The following SSX2IP variants were observed in gnomAD, a reference collection of about 807,000 sequenced individuals.
The protein encoded by SSX2IP is SSX family member 2 interacting protein.
In SSX2IP, 55 loss-of-function variants were observed where a neutral mutation model predicts 84.9. The ratio of observed to expected loss-of-function variants is 0.65; its 90% confidence interval spans 0.52 to 0.81. The LOEUF (loss-of-function observed/expected upper bound fraction) is 0.81. Among genes scored for constraint, SSX2IP ranks in the 30% least tolerant of loss-of-function variants. SSX2IP has a pLI of 0.00. For synonymous variants in SSX2IP, 239 were observed against 234.7 expected (o/e 1.02, Z -0.17); for missense variants, 664 against 705.2 (o/e 0.94, Z 0.66).
Position 84,666,187 on chromosome 1 carries a change from T to C in SSX2IP, c.472A>G (p.Arg158Gly). ...TTCTTACATTGTAACTGTCTGTCTC[T>C]TTCCTGAAGCCCAATCATTTCCCTC... is the stretch of plus-strand genomic sequence containing the variant. ...SRREMIGLQE[R>G]DRQLQCKNRN... The change falls in exon 5 of 14, where the codon AGA (arginine) becomes GGA (glycine). Residue 158 changes from arginine (R) to glycine (G), a missense_variant. Transcript: ENST00000342203. 1 of 1,613,090 alleles carries C rather than the reference T, an allele frequency of 6.2e-7. No individual in the cohort carries two copies. Among genetic ancestry groups the C allele is most frequent in the Non-Finnish European group, 8.5e-7 (1 of 1,179,404 alleles).
intron 1 of SSX2IP, among the ~76,000 whole-genome samples, chr1:84,682,525 C>T (rs183097397): frequency 9.6e-4 from 138 of 144,492 alleles, no homozygotes; most frequent in African/African-American, 2.8e-3. Flanking sequence ...TTTTTTGAGA[C>T]GGAGTCTTGC....
chr1:84,683,141 T>C (rs981618457), intron 1 of SSX2IP, among the ~76,000 whole-genome samples: 1 of 151,968 alleles, frequency 6.6e-6, no homozygotes, highest in African/African-American at 2.4e-5. Context: ...GGATACAATA[T>C]TCAAGCTGCT....
intron 7 of SSX2IP, 35 bp from the exon 8 acceptor site, chr1:84,662,410 T>G: frequency 1.2e-6 from 2 of 1,610,500 alleles, no homozygotes; most frequent in Non-Finnish European, 1.7e-6. Context: ...AAATGCAGGA[T>G]AGAAGGAAGT....
chr1:84,656,287 A>T (rs1651109922), intron 10 of SSX2IP, 61 bp downstream of exon 10: 4 of 1,526,572 alleles, frequency 2.6e-6, no homozygotes, highest in Non-Finnish European at 2.7e-6. Context: ...CAAATCTGGT[A>T]AGGTTCAGCA....
chr1:84,659,941 T>C (rs1651691215), intron 8 of SSX2IP, among the ~76,000 whole-genome samples: 1 of 152,000 alleles, frequency 6.6e-6, no homozygotes, highest in South Asian at 2.1e-4. Flanking sequence ...GAGGCCAAGG[T>C]GGGATGACTG....
rs978172351 is a variant in SSX2IP, at chr1:84,644,354, T to A, written c.*3079A>T. On this transcript the variant is annotated 3_prime_UTR_variant, in exon 14 of 14. Coordinates refer to ENST00000342203, the MANE Select transcript of SSX2IP (RefSeq NM_001166293.2). ...AGTTGGCCTTCCACTCAGCTCAGATTCCTAATAGCAGGCAGCGTGCTTATC... is the reference window on the plus strand; with the variant it reads ...AGTTGGCCTTCCACTCAGCTCAGATACCTAATAGCAGGCAGCGTGCTTATC... The A allele has an allele frequency of 1.3e-5, 2 of 152,180 alleles. No individual in the cohort carries two copies. Among genetic ancestry groups the A allele is most frequent in the Non-Finnish European group, 2.9e-5 (2 of 68,042 alleles). 9.4% of individuals were successfully genotyped at this position (152,180 alleles called of 1,614,324 possible). A position where few individuals can be genotyped will look rare whatever the true frequency, so the allele number is the denominator to read the frequency against.
intron 4 of SSX2IP, 24 bp downstream of exon 4, chr1:84,669,657 A>G (rs768346882): frequency 1.3e-6 from 2 of 1,573,472 alleles, no homozygotes; most frequent in Non-Finnish European, 1.7e-6. Flanking sequence ...TTATGGCATT[A>G]AAATATGGAT....
At chr1:84,654,860 AAAT>A (rs1202328521) in intron 11 of SSX2IP, among the ~76,000 whole-genome samples, 3 of 152,208 alleles carry the variant, frequency 2.0e-5, no homozygotes, top group Non-Finnish European at 4.4e-5. Context: ...TAACAATGAA[AAAT>A]AATATCACAA....
At chr1:84,682,949 C>T (rs940450237) in intron 1 of SSX2IP, among the ~76,000 whole-genome samples, 3 of 152,092 alleles carry the variant, frequency 2.0e-5, no homozygotes, top group Admixed American at 6.5e-5. Context: ...TTTATGTGTA[C>T]GAACTTATTC....
chr1:84,676,052 TAACCTTGGCAAA>T (rs1470239309), intron 1 of SSX2IP, among the ~76,000 whole-genome samples: 1 of 152,242 alleles, frequency 6.6e-6, no homozygotes, highest in Non-Finnish European at 1.5e-5. Flanking sequence ...GATGTGTCTT[TAACCTTGGCAAA>T]ATAAGCTTTC....
rs1649476489 is a variant in SSX2IP at position 84,646,485 on chromosome 1, A to G, written c.*948T>C. Reference sequence around the variant, plus strand: ...GACAATACAAAGCCCTAGTTAGTATACAGATATTACTATACTGGTACCCAT... The same window carrying G: ...GACAATACAAAGCCCTAGTTAGTATGCAGATATTACTATACTGGTACCCAT... On this transcript the variant is annotated 3_prime_UTR_variant, in exon 14 of 14. Coordinates refer to ENST00000342203, the MANE Select transcript of SSX2IP (RefSeq NM_001166293.2). The G allele has an allele frequency of 1.3e-5, 2 of 152,590 alleles. No homozygotes were observed. The highest frequency in any genetic ancestry group is 4.1e-4 in the South Asian group (2 of 4,828). The allele number at this position is 152,590 out of a possible 1,614,324, so 9.5% of individuals were successfully genotyped here. A position where few individuals can be genotyped will look rare whatever the true frequency, so the allele number is the denominator to read the frequency against.
chr1:84,666,365 A>C, intron 4 of SSX2IP, 133 bp from the exon 5 acceptor site: 1 of 650,246 alleles, frequency 1.5e-6, no homozygotes, highest in Non-Finnish European at 2.7e-6. Flanking sequence ...TGGCACATGA[A>C]ATGTTTATTT....
intron 11 of SSX2IP, chr1:84,652,411 A>G (rs1650393359): frequency 8.4e-6 from 1 of 119,276 alleles, no homozygotes; most frequent in African/African-American, 3.3e-5. Context: ...TGACACGGCA[A>G]GACCGTATCT....
chr1:84,690,303 G>C lies in SSX2IP; in HGVS notation c.-90+68C>G, dbSNP rs1656443584. 8 of 151,056 alleles carry C rather than the reference G, an allele frequency of 5.3e-5. No homozygotes were observed. The South Asian group carries it at 1.7e-3, about 32-fold the overall frequency. 9.4% of individuals were successfully genotyped at this position (151,056 alleles called of 1,614,324 possible). ...CCGCGCGCGCCCGCCCCTTGCCGGC[G>C]CCCACCCCCGCCCGCCCCTCCCTGG... On this transcript the variant is annotated intron_variant, in intron 1 of 13. Transcript: ENST00000342203.
intron 1 of SSX2IP, among the ~76,000 whole-genome samples, chr1:84,677,351 T>C (rs1654499090): frequency 1.3e-5 from 2 of 152,170 alleles, no homozygotes; most frequent in Admixed American, 6.5e-5. Context: ...AAACATCTTG[T>C]TTTTTCTGGT....
intron 12 of SSX2IP, among the ~76,000 whole-genome samples, chr1:84,650,882 T>C (rs904835127): frequency 7.2e-5 from 11 of 152,110 alleles, no homozygotes; most frequent in Admixed American, 2.0e-4. Context: ...TTTTTTTGTA[T>C]TTTTAGTACA....
intron 13 of SSX2IP, among the ~76,000 whole-genome samples, chr1:84,648,139 A>G (rs554539497): frequency 6.6e-6 from 1 of 152,276 alleles, no homozygotes; most frequent in East Asian, 1.9e-4. Context: ...ATTAGCTACA[A>G]ATACTCCTAA....
intron 9 of SSX2IP, among the ~76,000 whole-genome samples, chr1:84,656,871 T>A (rs1570594531): frequency 6.6e-6 from 1 of 152,042 alleles, no homozygotes; most frequent in East Asian, 1.9e-4. Flanking sequence ...AAGAGAAAAA[T>A]AAAATCATGT....
At chr1:84,680,792 C>T (rs1315669559) in intron 1 of SSX2IP, among the ~76,000 whole-genome samples, 2 of 152,016 alleles carry the variant, frequency 1.3e-5, no homozygotes, top group African/African-American at 4.8e-5. Flanking sequence ...ACTTTCATTC[C>T]TTTCTTTATG....
Sources: allele counts gnomAD v4.1 joint callset (sites outside exome capture counted in the v4.1 genomes callset), GRCh38; gene constraint gnomAD v4.1.1; transcripts MANE v1.5; gene names NCBI Gene and HGNC (gene_info 2026-07-23, HGNC 2026-07-21).